Variants in CTNNA2 observed in about 807,000 individuals in gnomAD.
CTNNA2 encodes catenin alpha-2.
CTNNA2 carries 42 observed loss-of-function variants against 101.0 expected under a neutral mutation model. The ratio of observed to expected loss-of-function variants is 0.42; its 90% CI spans 0.32 to 0.54. CTNNA2 has a LOEUF of 0.54. Ranked by LOEUF, CTNNA2 falls within the 20% of genes least tolerant of loss-of-function variation. The pLI, the probability that CTNNA2 is intolerant of heterozygous loss-of-function variation, is 0.14. For synonymous variants in CTNNA2, 450 were observed against 456.4 expected (o/e 0.99, Z 0.18); for missense variants, 871 against 1,223.1 (o/e 0.71, Z 4.29).
At chr2:80,130,552 T>A (rs1702357372) in intron 7 of CTNNA2, among the ~76,000 whole-genome samples, 1 of 152,150 alleles carries the variant, frequency 6.6e-6, no homozygotes, top group Non-Finnish European at 1.5e-5. Flanking sequence ...AAGATGCAAG[T>A]TATGTATACA....
chr2:80,059,636 G>A (rs998339704), intron 7 of CTNNA2, among the ~76,000 whole-genome samples: 5 of 152,162 alleles, frequency 3.3e-5, no homozygotes, highest in South Asian at 2.1e-4. Context: ...CCCCATCAGC[G>A]TGTGAGCCTA....
At position 79,870,103 on chromosome 2, in the gene CTNNA2, T is replaced by C. The variant is rs575235498; in HGVS notation, c.585+168T>C. 2.0e-5 allele frequency among the ~76,000 whole-genome samples: 3 copies of C among 152,308 alleles called. No homozygotes were observed. The South Asian group carries it at 6.2e-4, about 32-fold the overall frequency. ...GCAGGGGCCAGTTGTGATGCCTTGG[T>C]GGGCTCTGGACCACTCTCTGGCCCC... On this transcript the variant is annotated intron_variant, in intron 5 of 18. Transcript: ENST00000402739.
intron 9 of CTNNA2, among the ~76,000 whole-genome samples, chr2:80,460,786 T>G (rs892633464): frequency 6.6e-6 from 1 of 152,188 alleles, no homozygotes; most frequent in Non-Finnish European, 1.5e-5. Context: ...ATGGAGGATA[T>G]CCTTCTAACT....
rs868852797 is a variant in CTNNA2, at chr2:79,727,163, C to T, written c.103-17224C>T. Among the ~76,000 whole-genome samples the T allele has an allele frequency of 4.7e-4, 72 of 152,138 alleles. 1 individual carries two copies. Among genetic ancestry groups the T allele is most frequent in the Admixed American group, 2.9e-3 (45 of 15,276 alleles). The stretch of plus-strand genomic sequence containing the variant: ...CTGTATGAAAAATGTAAAGAAAATA[C>T]ATGGGAATTATGCATTGCTTAAAAC... On this transcript the variant is annotated intron_variant, in intron 2 of 18. Transcript: ENST00000402739.
At chr2:79,612,154 C>G (rs1251401338) in intron 1 of CTNNA2, among the ~76,000 whole-genome samples, 1 of 152,094 alleles carries the variant, frequency 6.6e-6, no homozygotes, top group Non-Finnish European at 1.5e-5. Flanking sequence ...GTAGCCAGTC[C>G]TGGTAGAACA....
At chr2:79,244,689 A>C (rs915699094) in intron 2 of CTNNA2, among the ~76,000 whole-genome samples, 2 of 152,222 alleles carry the variant, frequency 1.3e-5, no homozygotes, top group Admixed American at 1.3e-4. Context: ...GACTTTGTTC[A>C]CTGCTGTCTC....
Position 80,303,105 on chromosome 2 carries a change from A to C in CTNNA2, c.1057-90106A>C. Reference sequence around the variant, plus strand: ...ATGGCCACCTTGTTCCTCCGCAGGCAGAGCGAGTGCAGGGAGATGAGGCGC... The same window carrying C: ...ATGGCCACCTTGTTCCTCCGCAGGCCGAGCGAGTGCAGGGAGATGAGGCGC... On this transcript the variant is annotated intron_variant, in intron 7 of 18. Transcript: ENST00000402739. The surrounding 1 kb of genome is among the most constrained non-coding windows in gnomAD (Gnocchi z 7.7). 1.2e-6 allele frequency: 2 copies of C among 1,614,102 alleles called. No individual in the cohort carries two copies. The highest frequency in any genetic ancestry group is 1.1e-5 in the South Asian group (1 of 91,074).
intron 2 of CTNNA2, among the ~76,000 whole-genome samples, chr2:79,257,614 C>T (rs1674865086): frequency 6.6e-6 from 1 of 151,050 alleles, no homozygotes; most frequent in Admixed American, 6.6e-5. Flanking sequence ...GGAACCATAC[C>T]ACTCCAAGAA....
At chr2:80,629,131 T>G (rs1672006635) in intron 18 of CTNNA2, among the ~76,000 whole-genome samples, 1 of 152,126 alleles carries the variant, frequency 6.6e-6, no homozygotes, top group Non-Finnish European at 1.5e-5. Context: ...TTTTGTTATC[T>G]TCTCTCCCCA....
At chr2:79,452,995 A>G (rs1670774823) in intron 4 of CTNNA2, among the ~76,000 whole-genome samples, 1 of 152,136 alleles carries the variant, frequency 6.6e-6, no homozygotes, top group South Asian at 2.1e-4. Context: ...AATTTGTAAT[A>G]ATTAAAAAGT....
intron 11 of CTNNA2, among the ~76,000 whole-genome samples, chr2:80,548,796 ACTT>A (rs1277332200): frequency 6.6e-6 from 1 of 152,148 alleles, no homozygotes; most frequent in Non-Finnish European, 1.5e-5. Flanking sequence ...TAGGGAAACT[ACTT>A]CTCATCTTCT....
intron 9 of CTNNA2, among the ~76,000 whole-genome samples, chr2:80,477,298 A>G (rs1009739528): frequency 6.6e-6 from 1 of 152,296 alleles, no homozygotes; most frequent in East Asian, 1.9e-4. Flanking sequence ...AGTCAATACT[A>G]ACTGATTGCT....
chr2:80,512,102 A>T lies in CTNNA2; in HGVS notation c.1291-32880A>T, dbSNP rs190031334. Among the ~76,000 whole-genome samples, 279 of 146,100 alleles carry T rather than the reference A, an allele frequency of 1.9e-3. 1 individual carries two copies. The highest frequency in any genetic ancestry group is 6.6e-3 in the African/African-American group (261 of 39,310). The stretch of plus-strand genomic sequence containing the variant: ...GAGGTAAAGGTTGCAGTGAGCCGAG[A>T]TCACACCACTGCACTCCAGCCTGGG... On this transcript the variant is annotated intron_variant, in intron 9 of 18. Coordinates refer to ENST00000402739, the MANE Select transcript of CTNNA2 (RefSeq NM_001282597.3).
intron 3 of CTNNA2, among the ~76,000 whole-genome samples, chr2:79,800,543 C>T (rs1411043184): frequency 6.6e-6 from 1 of 152,092 alleles, no homozygotes; most frequent in East Asian, 1.9e-4. Context: ...GACAGCAGCT[C>T]CTGTCTTGTG....
chr2:80,507,953 T>C (rs1212238981), intron 9 of CTNNA2, among the ~76,000 whole-genome samples: 2 of 152,046 alleles, frequency 1.3e-5, no homozygotes, highest in African/African-American at 4.8e-5. Flanking sequence ...TGCTCAGATT[T>C]GGCAAGACAG....
At chr2:80,600,255 AT>A (rs889908549) in intron 15 of CTNNA2, among the ~76,000 whole-genome samples, 2 of 152,074 alleles carry the variant, frequency 1.3e-5, no homozygotes, top group African/African-American at 4.8e-5. Context: ...AAACTTTAAA[AT>A]TTTAGAATAA....
At chr2:79,441,525 A>G (rs921204612) in intron 4 of CTNNA2, among the ~76,000 whole-genome samples, 1 of 152,090 alleles carries the variant, frequency 6.6e-6, no homozygotes, top group African/African-American at 2.4e-5. Flanking sequence ...TTCCTTTTAC[A>G]TCATTCAAAC....
At chr2:79,868,769 T>G (rs1682347229) in intron 4 of CTNNA2, among the ~76,000 whole-genome samples, 1 of 152,246 alleles carries the variant, frequency 6.6e-6, no homozygotes, top group South Asian at 2.1e-4. Context: ...GAAATGGAAC[T>G]AGTCGGGGGC....
intron 9 of CTNNA2, among the ~76,000 whole-genome samples, chr2:80,503,674 C>T (rs1688049040): frequency 6.6e-6 from 1 of 152,078 alleles, no homozygotes; most frequent in Non-Finnish European, 1.5e-5. Flanking sequence ...TTAGAAAGTC[C>T]TGCACCCGAT....
Sources: allele counts gnomAD v4.1 joint callset (sites outside exome capture counted in the v4.1 genomes callset), GRCh38; gene constraint gnomAD v4.1.1; non-coding constraint Gnocchi (gnomAD v3.1); transcripts MANE v1.5; gene names NCBI Gene and HGNC (gene_info 2026-07-23, HGNC 2026-07-21).